Variants in EYA1 observed in about 807,000 individuals in gnomAD.
EYA1 encodes the protein protein phosphatase EYA1.
Under a neutral mutation model 82.0 loss-of-function variants are expected in EYA1, and 16 were observed. That is an observed-to-expected ratio of 0.20 (90% CI 0.13 to 0.30). The LOEUF is 0.30. Ranked by LOEUF, EYA1 falls within the 10% of genes least tolerant of loss-of-function variation. The pLI is 1.00. For synonymous variants in EYA1, 261 were observed against 264.4 expected (o/e 0.99, Z 0.12); for missense variants, 633 against 730.7 (o/e 0.87, Z 1.54).
chr8:71,278,748 G>T (rs185420841), intron 9 of EYA1, among the ~76,000 whole-genome samples: 1 of 152,126 alleles, frequency 6.6e-6, no homozygotes, highest in South Asian at 2.1e-4. Flanking sequence ...GGCCTGGTTG[G>T]CTCCTTGAAG....
At chr8:71,375,306 A>G (rs1828310804) in intron 2 of EYA1, among the ~76,000 whole-genome samples, 1 of 151,998 alleles carries the variant, frequency 6.6e-6, no homozygotes. Flanking sequence ...ACCTCATGCT[A>G]GAAGAGCTTA....
intron 2 of EYA1, among the ~76,000 whole-genome samples, chr8:71,492,533 C>T (rs1811088293): frequency 6.6e-6 from 1 of 150,898 alleles, no homozygotes; most frequent in Admixed American, 6.6e-5. Context: ...CGCGTGATCT[C>T]AGCTCACTGC....
intron 4 of EYA1, among the ~76,000 whole-genome samples, chr8:71,326,731 A>C (rs1823194540): frequency 6.6e-6 from 1 of 152,114 alleles, no homozygotes; most frequent in Non-Finnish European, 1.5e-5. Context: ...CCCTTAACAA[A>C]ATCCTGGCAC....
At chr8:71,397,043 T>C (rs937277841) in intron 2 of EYA1, among the ~76,000 whole-genome samples, 3 of 152,244 alleles carry the variant, frequency 2.0e-5, no homozygotes, top group African/African-American at 2.4e-5. Context: ...CATTAAACAA[T>C]GGCCTTCTTT....
At chr8:71,506,443 G>C (rs1439864655) in intron 2 of EYA1, among the ~76,000 whole-genome samples, 1 of 152,196 alleles carries the variant, frequency 6.6e-6, no homozygotes, top group African/African-American at 2.4e-5. Context: ...TCCTGACTAT[G>C]ATGCATGATG....
At chr8:71,368,338 G>A (rs1827877475) in intron 2 of EYA1, among the ~76,000 whole-genome samples, 1 of 152,010 alleles carries the variant, frequency 6.6e-6, no homozygotes, top group South Asian at 2.1e-4. Flanking sequence ...AACCCCTGCT[G>A]AAAGATCCGC....
chr8:71,498,296 T>C (rs1399454086), intron 2 of EYA1, among the ~76,000 whole-genome samples: 1 of 152,192 alleles, frequency 6.6e-6, no homozygotes, highest in East Asian at 1.9e-4. Context: ...TTCAAAACAG[T>C]ATGTTGTACA....
At chr8:71,220,906 A>G (rs1237959510) in intron 12 of EYA1, among the ~76,000 whole-genome samples, 1 of 152,206 alleles carries the variant, frequency 6.6e-6, no homozygotes, top group African/African-American at 2.4e-5. Context: ...CCCAGCAAGG[A>G]GCAGGCTTTG....
chr8:71,456,031 T>C (rs910580398), intron 2 of EYA1, among the ~76,000 whole-genome samples: 2 of 152,118 alleles, frequency 1.3e-5, no homozygotes, highest in East Asian at 3.8e-4. Flanking sequence ...CCAAAATCTC[T>C]TTAAGCTGAT....
chr8:71,482,188 A>G (rs923747696), intron 2 of EYA1, among the ~76,000 whole-genome samples: 1 of 152,252 alleles, frequency 6.6e-6, no homozygotes, highest in Non-Finnish European at 1.5e-5. Flanking sequence ...AAGAACACCT[A>G]CAAATCAAAA....
chr8:71,423,660 T>C (rs1831265168), intron 2 of EYA1, among the ~76,000 whole-genome samples: 1 of 152,230 alleles, frequency 6.6e-6, no homozygotes, highest in South Asian at 2.1e-4. Flanking sequence ...AAATGTTCTT[T>C]AATTAATTTC....
intron 2 of EYA1, among the ~76,000 whole-genome samples, chr8:71,452,357 G>A (rs530557563): frequency 6.6e-6 from 1 of 152,308 alleles, no homozygotes; most frequent in East Asian, 1.9e-4. Flanking sequence ...GGCATAGCTG[G>A]ACAAAAGGCA....
At chr8:71,270,558 C>T (rs557374172) in intron 10 of EYA1, among the ~76,000 whole-genome samples, 1 of 152,182 alleles carries the variant, frequency 6.6e-6, no homozygotes, top group African/African-American at 2.4e-5. Context: ...CACACCAGTA[C>T]ATATTCATAT....
intron 2 of EYA1, among the ~76,000 whole-genome samples, chr8:71,502,945 A>G (rs544502118): frequency 6.6e-6 from 1 of 152,154 alleles, no homozygotes; most frequent in African/African-American, 2.4e-5. Context: ...CCCACCAAAC[A>G]TGCACACACA....
intron 3 of EYA1, among the ~76,000 whole-genome samples, chr8:71,338,460 C>G (rs1824751381): frequency 6.6e-6 from 1 of 152,056 alleles, no homozygotes; most frequent in Non-Finnish European, 1.5e-5. Context: ...AACCATCTTC[C>G]TTCGTCATAA....
chr8:71,486,928 G>A (rs1292674358), intron 2 of EYA1, among the ~76,000 whole-genome samples: 1 of 117,762 alleles, frequency 8.5e-6, no homozygotes, highest in Non-Finnish European at 1.9e-5. Context: ...TGTGACTTGT[G>A]CGTCACTTCT....
chr8:71,499,614 C>A (rs1811667680), intron 2 of EYA1, among the ~76,000 whole-genome samples: 1 of 152,080 alleles, frequency 6.6e-6, no homozygotes, highest in Admixed American at 6.5e-5. Context: ...TTCTTGTTTG[C>A]AGGAATGGGG....
intron 9 of EYA1, among the ~76,000 whole-genome samples, chr8:71,293,599 A>C (rs1344663876): frequency 6.6e-6 from 1 of 151,228 alleles, no homozygotes; most frequent in Non-Finnish European, 1.5e-5. Flanking sequence ...GTCATGACCA[A>C]GTAGGATTAA....
In EYA1 at chr8:71,463,809, G is replaced by A. The variant is rs552959061; in HGVS notation, c.33+71935C>T. Among the ~76,000 whole-genome samples the A allele has an allele frequency of 5.9e-5, 9 of 152,164 alleles. No individual in the cohort carries two copies. The South Asian group carries it at 6.2e-4, about 11-fold the overall frequency. On this transcript the variant is annotated intron_variant, in intron 2 of 18. Transcript: ENST00000643681. ...TCAAACATTCCCTTGGACCGTTGCT[G>A]AATTCCTGAAGACAACACAGTCTTT...
Sources: allele counts gnomAD v4.1 joint callset (sites outside exome capture counted in the v4.1 genomes callset), GRCh38; gene constraint gnomAD v4.1.1; transcripts MANE v1.5; gene names NCBI Gene and HGNC (gene_info 2026-07-23, HGNC 2026-07-21).